The following CMPK1 variants were observed in gnomAD, a reference collection of about 807,000 sequenced individuals.
The protein encoded by CMPK1 is cytidine/uridine monophosphate kinase 1, also known as UMP-CMP kinase.
Under a neutral mutation model 25.7 loss-of-function variants are expected in CMPK1, and 10 were observed. The ratio of observed to expected loss-of-function variants is 0.39; its 90% CI spans 0.24 to 0.66. The LOEUF (loss-of-function observed/expected upper bound fraction) is 0.66. CMPK1 is among the 30% of genes least tolerant of loss of function. The pLI is 0.48. For synonymous variants in CMPK1, 106 were observed against 101.5 expected (o/e 1.04, Z -0.27); for missense variants, 199 against 280.5 (o/e 0.71, Z 2.08).
At chr1:47,375,158 T>C (rs781755082) in intron 4 of CMPK1, 39 bp from the exon 5 acceptor site, 17 of 1,472,970 alleles carry the variant, frequency 1.2e-5, no homozygotes, top group Non-Finnish European at 1.3e-5. Flanking sequence ...GAAGAAAGGA[T>C]AGATACCTAG....
rs976148582 is a variant in CMPK1, at chr1:47,377,517, G to A, written c.*772G>A. 1.3e-5 allele frequency: 2 copies of A among 152,206 alleles called. No individual in the cohort carries two copies. The highest frequency in any genetic ancestry group is 6.6e-5 in the Admixed American group (1 of 15,252). The allele number at this position is 152,206 out of a possible 1,614,324, so 9.4% of individuals were successfully genotyped here. On this transcript the variant is annotated 3_prime_UTR_variant, in exon 6 of 6. Coordinates refer to ENST00000371873, the MANE Select transcript of CMPK1 (RefSeq NM_016308.3). ...GATTCAGCTGATCTTAACAAAATTC[G>A]TAGCAGTGGAACCTTGAAATGCATG... is the stretch of plus-strand genomic sequence containing the variant.
At chr1:47,362,431 G>A (rs1373318162) in intron 1 of CMPK1, among the ~76,000 whole-genome samples, 1 of 151,920 alleles carries the variant, frequency 6.6e-6, no homozygotes, top group African/African-American at 2.4e-5. Flanking sequence ...GCCTCCCAGA[G>A]TGTTGGGATC....
intron 1 of CMPK1, among the ~76,000 whole-genome samples, chr1:47,349,384 C>T: frequency 6.6e-6 from 1 of 152,124 alleles, no homozygotes; most frequent in East Asian, 1.9e-4. Flanking sequence ...CTCAATTTCC[C>T]CTTTTGTAAA....
chr1:47,363,661 A>G (rs953875112), intron 1 of CMPK1, among the ~76,000 whole-genome samples: 1 of 148,326 alleles, frequency 6.7e-6, no homozygotes, highest in African/African-American at 2.5e-5. Flanking sequence ...CAAACAAACA[A>G]AAAACAGGCA....
At chr1:47,354,552 G>A (rs865815003) in intron 1 of CMPK1, among the ~76,000 whole-genome samples, 1 of 149,644 alleles carries the variant, frequency 6.7e-6, no homozygotes, top group Non-Finnish European at 1.5e-5. Flanking sequence ...CAGATATAAT[G>A]CACATGTGTA....
At chr1:47,374,686 A>G (rs1187945789) in intron 3 of CMPK1, among the ~76,000 whole-genome samples, 2 of 152,230 alleles carry the variant, frequency 1.3e-5, no homozygotes, top group Non-Finnish European at 2.9e-5. Flanking sequence ...AAACTGAGTC[A>G]TGAATGAATT....
chr1:47,352,054 T>C (rs1646526344), intron 1 of CMPK1, among the ~76,000 whole-genome samples: 1 of 152,156 alleles, frequency 6.6e-6, no homozygotes, highest in Non-Finnish European at 1.5e-5. Context: ...GGAGAATTGC[T>C]TGAACCCAGG....
intron 1 of CMPK1, among the ~76,000 whole-genome samples, chr1:47,363,586 C>T (rs532962033): frequency 6.6e-6 from 1 of 151,852 alleles, no homozygotes; most frequent in South Asian, 2.1e-4. Flanking sequence ...TGCAGTGAGC[C>T]GAGATTGTAC....
intron 4 of CMPK1, 62 bp from the exon 5 acceptor site, chr1:47,375,134 TC>T: frequency 7.4e-7 from 1 of 1,360,216 alleles, no homozygotes; most frequent in Non-Finnish European, 1.0e-6. Context: ...CTGTGAGCTC[TC>T]CTATAACATG....
intron 5 of CMPK1, among the ~76,000 whole-genome samples, chr1:47,376,244 A>C (rs1646707211): frequency 6.6e-6 from 1 of 151,734 alleles, no homozygotes; most frequent in East Asian, 1.9e-4. Context: ...TTCATTTTGA[A>C]AATTAATGTA....
At chr1:47,362,388 G>C (rs939928456) in intron 1 of CMPK1, among the ~76,000 whole-genome samples, 1 of 151,226 alleles carries the variant, frequency 6.6e-6, no homozygotes, top group Non-Finnish European at 1.5e-5. Flanking sequence ...GGCTGGTCTT[G>C]AACTCCTGAC....
intron 1 of CMPK1, among the ~76,000 whole-genome samples, chr1:47,344,278 G>A (rs1646466353): frequency 6.6e-6 from 1 of 152,058 alleles, no homozygotes; most frequent in African/African-American, 2.4e-5. Context: ...TGATGTGTAT[G>A]AGCTCAATTT....
chr1:47,369,128 T>C (rs932754072), intron 2 of CMPK1, among the ~76,000 whole-genome samples: 3 of 152,220 alleles, frequency 2.0e-5, no homozygotes, highest in African/African-American at 7.2e-5. Flanking sequence ...CTCAGCCTCC[T>C]GAATAGCTGG....
intron 2 of CMPK1, among the ~76,000 whole-genome samples, chr1:47,371,116 C>A (rs1399246878): frequency 6.6e-6 from 1 of 152,016 alleles, no homozygotes; most frequent in Non-Finnish European, 1.5e-5. Context: ...ATATTGGGAA[C>A]AACAAGAAAT....
chr1:47,361,152 A>G (rs1646598859), intron 1 of CMPK1, among the ~76,000 whole-genome samples: 1 of 152,108 alleles, frequency 6.6e-6, no homozygotes, highest in African/African-American at 2.4e-5. Context: ...GCACTTTGGG[A>G]GGCCGAGGCC....
chr1:47,374,808 A>G (rs1646696925), intron 3 of CMPK1, 101 bp from the exon 4 acceptor site: 4 of 746,718 alleles, frequency 5.4e-6, no homozygotes, highest in Non-Finnish European at 8.7e-6. Flanking sequence ...GGTTTATTGC[A>G]GGGTTTTTTT....
intron 2 of CMPK1, among the ~76,000 whole-genome samples, chr1:47,370,959 A>AAATAAAT (rs1553120514): frequency 6.7e-6 from 1 of 149,132 alleles, no homozygotes; most frequent in East Asian, 2.0e-4. Flanking sequence ...TCCGCCTCAA[A>AAATAAAT]AAATAAATAA....
At chr1:47,372,656 T>C (rs1479207061) in intron 2 of CMPK1, among the ~76,000 whole-genome samples, 1 of 152,148 alleles carries the variant, frequency 6.6e-6, no homozygotes, top group Non-Finnish European at 1.5e-5. Flanking sequence ...TATACTTAAC[T>C]GTAGAAAATT....
intron 1 of CMPK1, among the ~76,000 whole-genome samples, chr1:47,355,131 C>T (rs1353183964): frequency 6.6e-6 from 1 of 152,012 alleles, no homozygotes; most frequent in Non-Finnish European, 1.5e-5. Flanking sequence ...ACTGCAACCT[C>T]TGCCTGCTGG....
Sources: allele counts gnomAD v4.1 joint callset (sites outside exome capture counted in the v4.1 genomes callset), GRCh38; gene constraint gnomAD v4.1.1; transcripts MANE v1.5; gene names NCBI Gene and HGNC (gene_info 2026-07-23, HGNC 2026-07-21).